The following PIP5K1B variants were observed in gnomAD, a reference collection of about 807,000 sequenced individuals.
PIP5K1B encodes phosphatidylinositol-4-phosphate 5-kinase type 1 beta, also known as phosphatidylinositol 4-phosphate 5-kinase type-1 beta.
PIP5K1B carries 42 observed loss-of-function variants against 67.0 expected under a neutral mutation model. That is an observed-to-expected ratio of 0.63 (90% confidence interval 0.49 to 0.81). The LOEUF (loss-of-function observed/expected upper bound fraction) is 0.81. Ranked by LOEUF, PIP5K1B falls within the 30% of genes least tolerant of loss-of-function variation. The pLI, the probability that PIP5K1B is intolerant of heterozygous loss-of-function variation, is 0.00. For missense variants in PIP5K1B, 459 were observed against 646.3 expected (o/e 0.71, Z 3.14); for synonymous variants, 214 against 231.4 (o/e 0.92, Z 0.68).
intron 13 of PIP5K1B, among the ~76,000 whole-genome samples, chr9:68,938,991 C>T (rs1437060421): frequency 6.6e-6 from 1 of 152,230 alleles, no homozygotes; most frequent in Non-Finnish European, 1.5e-5. Context: ...CAGTGTTAGC[C>T]AACTCAGGGC....
intron 6 of PIP5K1B, among the ~76,000 whole-genome samples, chr9:68,888,171 G>T (rs1322301120): frequency 6.6e-6 from 1 of 152,084 alleles, no homozygotes; most frequent in East Asian, 1.9e-4. Context: ...GTAGAGACAG[G>T]ATTTCACCAT....
intron 6 of PIP5K1B, among the ~76,000 whole-genome samples, chr9:68,882,837 T>C (rs1267905590): frequency 6.6e-6 from 1 of 152,206 alleles, no homozygotes; most frequent in Non-Finnish European, 1.5e-5. Context: ...AATTCGTGAG[T>C]AAATGAGAAA....
At chr9:68,934,658 T>G (rs139246070) in intron 12 of PIP5K1B, among the ~76,000 whole-genome samples, 221 of 152,350 alleles carry the variant, frequency 1.5e-3, no homozygotes, top group African/African-American at 5.1e-3. Flanking sequence ...TAATTTGCTC[T>G]AGGAAATTCT....
chr9:68,980,553 G>T (rs1587754486), intron 14 of PIP5K1B, among the ~76,000 whole-genome samples: 4 of 152,190 alleles, frequency 2.6e-5, no homozygotes, highest in African/African-American at 9.7e-5. Context: ...TGATACTCCT[G>T]TTTGCTTATC....
At chr9:68,740,754 G>A (rs779775690) in intron 1 of PIP5K1B, among the ~76,000 whole-genome samples, 3 of 152,218 alleles carry the variant, frequency 2.0e-5, no homozygotes, top group African/African-American at 4.8e-5. Context: ...TCCTCATGGC[G>A]TATTTCCTTA....
chr9:68,749,827 C>T (rs1041139799), intron 2 of PIP5K1B, among the ~76,000 whole-genome samples: 1 of 152,102 alleles, frequency 6.6e-6, no homozygotes, highest in African/African-American at 2.4e-5. Context: ...TTACAACAAC[C>T]ACAAATGTCT....
chr9:68,860,619 A>G (rs1304473530), intron 4 of PIP5K1B, among the ~76,000 whole-genome samples: 1 of 152,232 alleles, frequency 6.6e-6, no homozygotes, highest in Non-Finnish European at 1.5e-5. Context: ...CTCATTTTGC[A>G]AACACTGATA....
At chr9:68,865,298 C>G (rs62566869) in intron 5 of PIP5K1B, among the ~76,000 whole-genome samples, 2 of 149,372 alleles carry the variant, frequency 1.3e-5, no homozygotes. Flanking sequence ...GCCTACCATT[C>G]CAAAAAAAAA....
At chr9:68,765,016 T>C (rs1402768311) in intron 2 of PIP5K1B, among the ~76,000 whole-genome samples, 1 of 152,154 alleles carries the variant, frequency 6.6e-6, no homozygotes, top group African/African-American at 2.4e-5. Flanking sequence ...TTTTAAAGCA[T>C]TTCAACAAAA....
intron 2 of PIP5K1B, among the ~76,000 whole-genome samples, chr9:68,750,417 T>C (rs1166604320): frequency 3.3e-5 from 5 of 152,242 alleles, no homozygotes; most frequent in Admixed American, 2.6e-4. Context: ...AGTTCTATTA[T>C]TCCATAATTA....
rs901891074 is a variant in PIP5K1B at position 68,876,556 on chromosome 9, C to G, written c.201-121C>G. ...ACATGAACTTTGAGAAACCCGCTCTCAGGGGATGATTTTTCTAGAGATAAC... is the reference window on the plus strand; with the variant it reads ...ACATGAACTTTGAGAAACCCGCTCTGAGGGGATGATTTTTCTAGAGATAAC... On this transcript the variant is annotated intron_variant, in intron 5 of 15. Coordinates refer to ENST00000265382, the MANE Select transcript of PIP5K1B (RefSeq NM_003558.4). The G allele has an allele frequency of 4.6e-6, 3 of 653,476 alleles. No homozygotes were observed. In the African/African-American group the frequency reaches 5.5e-5, roughly 12 times the overall value. The allele number at this position is 653,476 out of a possible 1,614,324, so 40.5% of individuals were successfully genotyped here.
intron 2 of PIP5K1B, among the ~76,000 whole-genome samples, chr9:68,815,262 A>G (rs1212685295): frequency 5.6e-5 from 3 of 53,620 alleles, no homozygotes; most frequent in African/African-American, 1.6e-4. Flanking sequence ...TGCTTTTGGT[A>G]CTATTAAAAA....
At chr9:68,780,190 A>G (rs1223625810) in intron 2 of PIP5K1B, 3 of 1,535,124 alleles carry the variant, frequency 2.0e-6, no homozygotes, top group Non-Finnish European at 2.6e-6. Context: ...ATGGAGCTAG[A>G]CCTGGAGCTG....
At chr9:68,871,713 C>T (rs951715369) in intron 5 of PIP5K1B, among the ~76,000 whole-genome samples, 15 of 152,254 alleles carry the variant, frequency 9.9e-5, no homozygotes, top group East Asian at 3.9e-4. Context: ...GGGATTGTAA[C>T]GTGTGCTTGC....
At chr9:68,895,445 G>A (rs940046788) in intron 8 of PIP5K1B, among the ~76,000 whole-genome samples, 3 of 152,080 alleles carry the variant, frequency 2.0e-5, no homozygotes, top group African/African-American at 7.2e-5. Context: ...AAAGCATGAT[G>A]GCACAGGCTG....
chr9:68,799,390 A>G (rs895088076), intron 2 of PIP5K1B, among the ~76,000 whole-genome samples: 1 of 152,228 alleles, frequency 6.6e-6, no homozygotes, highest in Non-Finnish European at 1.5e-5. Context: ...AGAAATAGAA[A>G]AAAATTAAAT....
intron 2 of PIP5K1B, among the ~76,000 whole-genome samples, chr9:68,816,317 CAG>C (rs1285669489): frequency 6.6e-6 from 1 of 152,062 alleles, no homozygotes. Flanking sequence ...TTGGTAGAGA[CAG>C]GGTTTCACCA....
intron 14 of PIP5K1B, among the ~76,000 whole-genome samples, chr9:68,974,941 A>G (rs1829562605): frequency 6.6e-6 from 1 of 152,258 alleles, no homozygotes; most frequent in African/African-American, 2.4e-5. Flanking sequence ...ACATGGTGAC[A>G]ACCTGAGTAG....
chr9:68,784,183 C>G (rs1236831808), intron 2 of PIP5K1B: 4 of 167,048 alleles, frequency 2.4e-5, no homozygotes, highest in Non-Finnish European at 2.9e-5. Context: ...TTCATAACGT[C>G]CATCATTATT....
Sources: allele counts gnomAD v4.1 joint callset (sites outside exome capture counted in the v4.1 genomes callset), GRCh38; gene constraint gnomAD v4.1.1; transcripts MANE v1.5; gene names NCBI Gene and HGNC (gene_info 2026-07-23, HGNC 2026-07-21).